The following MACO1 variants were observed in gnomAD, a reference collection of about 807,000 sequenced individuals.
The protein encoded by MACO1 is macoilin 1.
A neutral mutation model predicts 78.7 loss-of-function variants in MACO1; 14 were observed. The observed-to-expected ratio is 0.18, with a 90% CI of 0.12 to 0.28. The LOEUF (loss-of-function observed/expected upper bound fraction) is 0.28, where lower values mean the gene tolerates loss of function less well. Among genes scored for constraint, MACO1 ranks in the 10% least tolerant of loss-of-function variants. The pLI is 1.00. For synonymous variants in MACO1, 288 were observed against 291.6 expected, an observed-to-expected ratio of 0.99 and a Z score of 0.12; for missense variants, 501 against 799.0, an observed-to-expected ratio of 0.63 and a Z score of 4.50.
At chr1:25,482,828 T>A (rs1057047596) in intron 6 of MACO1, among the ~76,000 whole-genome samples, 2 of 152,196 alleles carry the variant, frequency 1.3e-5, no homozygotes, top group Admixed American at 1.3e-4. Context: ...GGCCCATAGT[T>A]GTACAGATTA....
intron 2 of MACO1, among the ~76,000 whole-genome samples, chr1:25,448,341 A>G (rs2043033812): frequency 6.6e-6 from 1 of 152,064 alleles, no homozygotes; most frequent in African/African-American, 2.4e-5. Flanking sequence ...GCAAGTGCCT[A>G]CAGTTGCAGC....
intron 10 of MACO1, among the ~76,000 whole-genome samples, chr1:25,493,341 T>C (rs1170446592): frequency 6.6e-6 from 1 of 151,628 alleles, no homozygotes; most frequent in Non-Finnish European, 1.5e-5. Flanking sequence ...TGGGTTCAAG[T>C]GATCCTCCCA....
intron 4 of MACO1, among the ~76,000 whole-genome samples, chr1:25,455,622 T>C (rs2043112471): frequency 1.3e-5 from 2 of 152,194 alleles, no homozygotes; most frequent in South Asian, 4.1e-4. Flanking sequence ...GGCTGGTAAG[T>C]TCAATGAAAA....
chr1:25,483,512 T>C (rs895679332), intron 6 of MACO1, among the ~76,000 whole-genome samples: 2 of 152,230 alleles, frequency 1.3e-5, no homozygotes, highest in Non-Finnish European at 2.9e-5. Flanking sequence ...AGTTCTCTTA[T>C]GATTCTTAGA....
At chr1:25,436,204 AC>A (rs1433689281) in intron 1 of MACO1, among the ~76,000 whole-genome samples, 1 of 152,056 alleles carries the variant, frequency 6.6e-6, no homozygotes, top group Non-Finnish European at 1.5e-5. Context: ...TATCTCATGG[AC>A]CCAGTCCATG....
chr1:25,489,303 G>A lies in MACO1; in HGVS notation c.1617+10G>A, dbSNP rs755368005. ...AGAACTAAAAGTCCAGGTAAGGGGG[G>A]AACAAAAGACTTCCCTTGTATTTGA... is the stretch of plus-strand genomic sequence containing the variant. On this transcript the variant is annotated intron_variant, in intron 9 of 10. Transcript: ENST00000374343. 1.2e-6 allele frequency: 2 copies of A among 1,612,134 alleles called. No homozygotes were observed. Among genetic ancestry groups the A allele is most frequent in the African/African-American group, 1.3e-5 (1 of 74,812 alleles).
chr1:25,472,398 T>C (rs1424139989), intron 6 of MACO1, among the ~76,000 whole-genome samples: 1 of 150,458 alleles, frequency 6.6e-6, no homozygotes, highest in Non-Finnish European at 1.5e-5. Flanking sequence ...CGGTGTGTGA[T>C]GTTCCCCTCC....
chr1:25,461,987 T>C (rs2043176273), intron 6 of MACO1, among the ~76,000 whole-genome samples: 1 of 152,172 alleles, frequency 6.6e-6, no homozygotes, highest in African/African-American at 2.4e-5. Flanking sequence ...TCTTACTTCC[T>C]CCCACCCTTC....
intron 3 of MACO1, among the ~76,000 whole-genome samples, chr1:25,450,493 G>A (rs2043055965): frequency 6.6e-6 from 1 of 152,074 alleles, no homozygotes; most frequent in Non-Finnish European, 1.5e-5. Context: ...TGATTCTTGG[G>A]CCTAGCTACA....
At position 25,485,998 on chromosome 1, in the gene MACO1, C is replaced by G. The variant is rs2043426998; in HGVS notation, c.1496+203C>G. 6.6e-6 allele frequency among the ~76,000 whole-genome samples: 1 copy of G among 152,168 alleles called. No individual in the cohort carries two copies. The highest frequency in any genetic ancestry group is 1.5e-5 in the Non-Finnish European group (1 of 68,028). ...TATAACAGCTTTATCCCTCAGTGAC[C>G]TCATCTATAAAGTGGGATGAGGGAA... On this transcript the variant is annotated intron_variant, in intron 8 of 10. Transcript: ENST00000374343. This position sits in a 1 kb window ranked among gnomAD's most constrained non-coding sequence, Gnocchi z 4.3.
At chr1:25,489,380 C>T in intron 9 of MACO1, 87 bp downstream of exon 9, 1 of 1,450,238 alleles carries the variant, frequency 6.9e-7, no homozygotes, top group African/African-American at 1.4e-5. Context: ...AGAGATGATG[C>T]CTTTTAATAT....
rs2043421936 is a variant in MACO1, at chr1:25,485,535, G to A, written c.1314-78G>A. The A allele has an allele frequency of 6.8e-7, 1 of 1,461,068 alleles. No homozygotes were observed. The highest frequency in any genetic ancestry group is 9.2e-7 in the Non-Finnish European group (1 of 1,082,902). 90.5% of individuals were successfully genotyped at this position (1,461,068 alleles called of 1,614,324 possible). On this transcript the variant is annotated intron_variant, in intron 7 of 10. Transcript: ENST00000374343. This position sits in a 1 kb window ranked among gnomAD's most constrained non-coding sequence, Gnocchi z 4.3. ...CCTCCTGTTTAATTGGCCTTAAGGT[G>A]ATAAAGAGATGTTTCTCAAGGGTTT... is the stretch of plus-strand genomic sequence containing the variant.
At chr1:25,497,899 T>C (rs1034580090) in intron 10 of MACO1, among the ~76,000 whole-genome samples, 11 of 152,240 alleles carry the variant, frequency 7.2e-5, no homozygotes, top group African/African-American at 2.7e-4. Context: ...CTGACTTCTT[T>C]ACATCAACCA....
In MACO1 at chr1:25,497,562, C is replaced by G. The variant is rs867777765; in HGVS notation, c.1793-702C>G. ...GGCAGGAGCTGACTGGATCAAGAAA[C>G]TGAAGCGTAGTGAGGGCAAGTGTGC... On this transcript the variant is annotated intron_variant, in intron 10 of 10. Coordinates refer to ENST00000374343, the MANE Select transcript of MACO1 (RefSeq NM_018202.6). Among the ~76,000 whole-genome samples the G allele has an allele frequency of 6.6e-5, 10 of 152,270 alleles. No individual in the cohort carries two copies. The Middle Eastern group carries it at 0.01, about 155-fold the overall frequency.
intron 4 of MACO1, 24 bp downstream of exon 4, chr1:25,454,406 G>GTC: frequency 6.5e-7 from 1 of 1,533,918 alleles, no homozygotes; most frequent in Non-Finnish European, 8.9e-7. Flanking sequence ...AAATGTATGT[G>GTC]TGTGTGTGTG....
At chr1:25,465,393 A>G (rs1475408066) in intron 6 of MACO1, among the ~76,000 whole-genome samples, 1 of 152,208 alleles carries the variant, frequency 6.6e-6, no homozygotes, top group Non-Finnish European at 1.5e-5. Flanking sequence ...GACAGTGGCT[A>G]TACCATTTTG....
chr1:25,441,334 G>A (rs1376378864), intron 1 of MACO1, among the ~76,000 whole-genome samples: 1 of 152,024 alleles, frequency 6.6e-6, no homozygotes, highest in Non-Finnish European at 1.5e-5. Context: ...GGGATTACAG[G>A]CATCTGCCTG....
At chr1:25,448,477 GAA>G (rs966522662) in intron 2 of MACO1, among the ~76,000 whole-genome samples, 1 of 148,594 alleles carries the variant, frequency 6.7e-6, no homozygotes, top group Non-Finnish European at 1.5e-5. Flanking sequence ...AAAGAAAAAA[GAA>G]AAAAAAAATT....
At chr1:25,450,760 C>T (rs2043058355) in intron 3 of MACO1, among the ~76,000 whole-genome samples, 1 of 152,076 alleles carries the variant, frequency 6.6e-6, no homozygotes, top group African/African-American at 2.4e-5. Flanking sequence ...ATTTTTCTTC[C>T]CACCAGTTTT....
Sources: gnomAD v4.1 joint callset for allele counts (sites outside exome capture counted in the v4.1 genomes callset) on GRCh38, gnomAD v4.1.1 for gene constraint, Gnocchi (gnomAD v3.1) non-coding constraint, MANE v1.5 for transcripts, NCBI Gene and HGNC (gene_info 2026-07-23, HGNC 2026-07-21) for gene names.